The following PTCH1 variants were observed in gnomAD, a reference collection of about 807,000 sequenced individuals.
PTCH1 encodes the protein patched 1.
A neutral mutation model predicts 144.6 loss-of-function variants in PTCH1; 14 were observed. That is an observed-to-expected ratio of 0.10 (90% CI 0.06 to 0.15). PTCH1 has a LOEUF of 0.15. Among genes scored for constraint, PTCH1 ranks in the 10% least tolerant of loss-of-function variants. The pLI is 1.00. For missense variants in PTCH1, 1,623 were observed against 1,948.3 expected, an observed-to-expected ratio of 0.83 and a Z score of 3.14; for synonymous variants, 833 against 793.6, an observed-to-expected ratio of 1.05 and a Z score of -0.83.
chr9:95,475,281 G>A (rs774140729), intron 12 of PTCH1, among the ~76,000 whole-genome samples: 21 of 152,230 alleles, frequency 1.4e-4, no homozygotes, highest in Non-Finnish European at 8.8e-5. Context: ...ATACCCTGAC[G>A]GCCTCTGGGG....
intron 15 of PTCH1, among the ~76,000 whole-genome samples, chr9:95,462,227 C>T (rs1839549688): frequency 6.6e-6 from 1 of 152,142 alleles, no homozygotes; most frequent in Non-Finnish European, 1.5e-5. Context: ...TTATCTGTTT[C>T]TATGAAACAA....
At position 95,509,220 on chromosome 9, in the gene PTCH1, A is replaced by T. The variant is rs995121736; in HGVS notation, c.-859T>A. Among the ~76,000 whole-genome samples, 1 of 133,902 alleles carries T rather than the reference A, an allele frequency of 7.5e-6. No homozygotes were observed. Among genetic ancestry groups the T allele is most frequent in the Non-Finnish European group, 1.5e-5 (1 of 64,830 alleles). The allele number at this position is 133,902 out of a possible 152,430, so 87.8% of individuals were successfully genotyped here. ...ATGAGATGGAAGAAGAAAAAAAAGA[A>T]CTCTCTCCATTTGGAGAAAGAAGAG... is the stretch of plus-strand genomic sequence containing the variant. On this transcript the variant is annotated 5_prime_UTR_variant, in exon 1 of 24. Coordinates refer to ENST00000331920, the MANE Select transcript of PTCH1 (RefSeq NM_000264.5).
rs1037533662 is a variant in PTCH1 at position 95,469,006 on chromosome 9, G to T, written c.1995C>A (p.Arg665=). ...QITMQSTVQL[R]TEYDPHTHVY... ...CGTGCGTGTGGGGGTCGTACTCCGT[G>T]CGGAGCTGGACAGTGGACTGCATGG... Residue 665 remains arginine (R), a synonymous_variant, in exon 14 of 24, where the codon CGC becomes CGA. Coordinates refer to ENST00000331920, the MANE Select transcript of PTCH1 (RefSeq NM_000264.5). 1.9e-6 allele frequency: 3 copies of T among 1,614,090 alleles called. No individual in the cohort carries two copies. Among genetic ancestry groups the T allele is most frequent in the South Asian group, 1.1e-5 (1 of 91,074 alleles).
intron 22 of PTCH1, among the ~76,000 whole-genome samples, chr9:95,448,100 C>G (rs1838125815): frequency 6.6e-6 from 1 of 152,180 alleles, no homozygotes; most frequent in Admixed American, 6.5e-5. Context: ...CGTCTCTATA[C>G]AAAGCACAGA....
Position 95,446,490 on chromosome 9 carries a change from A to G in PTCH1, c.*2-99T>C, listed in dbSNP as rs989872208. On this transcript the variant is annotated intron_variant, in intron 23 of 23. Transcript: ENST00000331920. The stretch of plus-strand genomic sequence containing the variant: ...CAGGCAGCAGTAACCTTGGTATTAG[A>G]AATCACGAGAGTGGGGTGTGGGCCT... 4.5e-5 allele frequency: 22 copies of G among 484,336 alleles called. No homozygotes were observed. In the Admixed American group the frequency reaches 4.9e-4, roughly 11 times the overall value. 30.0% of individuals were successfully genotyped at this position (484,336 alleles called of 1,614,324 possible).
At chr9:95,470,399 C>G (rs1478986366) in intron 12 of PTCH1, among the ~76,000 whole-genome samples, 2 of 152,178 alleles carry the variant, frequency 1.3e-5, no homozygotes, top group African/African-American at 4.8e-5. Flanking sequence ...AATACAATTT[C>G]ACACGTGTCC....
At position 95,485,414 on chromosome 9, in the gene PTCH1, C is replaced by T. The variant is rs150269764; in HGVS notation, c.584+271G>A. ...ACATCTTACAGCCTGGGTGTATAGTCCCCAAGTGGCTCAGCGTCATCCTCT... is the reference window on the plus strand; with the variant it reads ...ACATCTTACAGCCTGGGTGTATAGTTCCCAAGTGGCTCAGCGTCATCCTCT... On this transcript the variant is annotated intron_variant, in intron 3 of 23. Transcript: ENST00000331920. 2.0e-3 allele frequency among the ~76,000 whole-genome samples: 299 copies of T among 152,282 alleles called. 3 individuals carry two copies. The Middle Eastern group carries it at 0.02, about 10-fold the overall frequency.
intron 15 of PTCH1, among the ~76,000 whole-genome samples, chr9:95,466,376 T>G (rs1264972861): frequency 6.6e-6 from 1 of 152,218 alleles, no homozygotes; most frequent in Non-Finnish European, 1.5e-5. Context: ...AGAATTTAAT[T>G]ATTTATAAAA....
At chr9:95,493,109 C>A (rs1842540980) in intron 2 of PTCH1, among the ~76,000 whole-genome samples, 1 of 152,206 alleles carries the variant, frequency 6.6e-6, no homozygotes, top group Non-Finnish European at 1.5e-5. Context: ...TGAAGAAAGG[C>A]TAGCTAGCTC....
intron 2 of PTCH1, among the ~76,000 whole-genome samples, chr9:95,501,513 T>C (rs72752398): frequency 6.7e-6 from 1 of 149,598 alleles, no homozygotes; most frequent in East Asian, 2.0e-4. Context: ...GCATGTATTT[T>C]AAAAAACAAT....
intron 2 of PTCH1, among the ~76,000 whole-genome samples, chr9:95,499,617 G>A (rs1843014258): frequency 6.6e-6 from 1 of 151,876 alleles, no homozygotes; most frequent in Non-Finnish European, 1.5e-5. Flanking sequence ...TTATGTGGGG[G>A]TGTCTGACAT....
chr9:95,479,929 A>C, intron 7 of PTCH1, 40 bp downstream of exon 7: 1 of 1,614,144 alleles, frequency 6.2e-7, no homozygotes, highest in Non-Finnish European at 8.5e-7. Context: ...GGAAAGGAAG[A>C]AGACTACAGG....
rs997645747 is a variant in PTCH1, at chr9:95,468,617, C to T, written c.2250+134G>A. ...TCTAAAAGCATTGACTTTTGGAGGA[C>T]TGAAATGTATCATACTTAAACGAAA... On this transcript the variant is annotated intron_variant, in intron 14 of 23. Coordinates refer to ENST00000331920, the MANE Select transcript of PTCH1 (RefSeq NM_000264.5). The T allele has an allele frequency of 1.3e-5, 16 of 1,225,582 alleles. No individual in the cohort carries two copies. In the East Asian group the frequency reaches 3.5e-4, roughly 27 times the overall value. 75.9% of individuals were successfully genotyped at this position (1,225,582 alleles called of 1,614,324 possible).
At chr9:95,497,288 C>G (rs1842858859) in intron 2 of PTCH1, among the ~76,000 whole-genome samples, 1 of 152,224 alleles carries the variant, frequency 6.6e-6, no homozygotes, top group African/African-American at 2.4e-5. Flanking sequence ...TCATTGCTGG[C>G]AGCATCGTAC....
chr9:95,454,826 T>C (rs1047908334), intron 19 of PTCH1, among the ~76,000 whole-genome samples: 6 of 152,204 alleles, frequency 3.9e-5, no homozygotes, highest in African/African-American at 9.6e-5. Flanking sequence ...CAATTTCACA[T>C]AGAGGATCAG....
At position 95,447,104 on chromosome 9, in the gene PTCH1, C is replaced by T. The variant is rs761887390; in HGVS notation, c.4152G>A (p.Pro1384=). The change falls in exon 23 of 24, where the codon CCG becomes CCA. Residue 1384 remains proline (P), a synonymous_variant. Coordinates refer to ENST00000331920, the MANE Select transcript of PTCH1 (RefSeq NM_000264.5). ...SASVTVAVHP[P]PVPGPGRNPR... ...GGTTCCGCCCAGGCCCAGGGACAGG[C>T]GGCGGGTGCACGGCGACAGTCACGG... 1.1e-5 allele frequency: 17 copies of T among 1,613,494 alleles called. No individual in the cohort carries two copies. The highest frequency in any genetic ancestry group is 2.7e-5 in the African/African-American group (2 of 74,942).
rs1167361404 is a variant in PTCH1, at chr9:95,516,873, C to T, written c.-402G>A. On this transcript the variant is annotated 5_prime_UTR_variant, in exon 1 of 23. Coordinates refer to the PTCH1 transcript ENST00000430669. The stretch of plus-strand genomic sequence containing the variant: ...CCATAGGCAGGACCTGTCAGGGTCA[C>T]GTGACGGATCCGAAAACTTTACCCC... The T allele has an allele frequency of 3.4e-6, 5 of 1,475,162 alleles. No individual in the cohort carries two copies. In the African/African-American group the frequency reaches 7.1e-5, roughly 21 times the overall value. 91.4% of individuals were successfully genotyped at this position (1,475,162 alleles called of 1,614,324 possible). A position where few individuals can be genotyped will look rare whatever the true frequency, so the allele number is the denominator to read the frequency against.
rs1171866601 is a variant in PTCH1, at chr9:95,458,441, G to A, written c.2888-148C>T. Reference sequence around the variant, plus strand: ...CAAACAATGCTGATCATAGCCTCCAGGCCTTTACGATCTTCCCATTTGGTT... The same window carrying A: ...CAAACAATGCTGATCATAGCCTCCAAGCCTTTACGATCTTCCCATTTGGTT... On this transcript the variant is annotated intron_variant, in intron 17 of 23. Coordinates refer to ENST00000331920, the MANE Select transcript of PTCH1 (RefSeq NM_000264.5). This position sits in a 1 kb window ranked among gnomAD's most constrained non-coding sequence, Gnocchi z 4.7. The A allele has an allele frequency of 9.6e-7, 1 of 1,045,658 alleles. No homozygotes were observed. Among genetic ancestry groups the A allele is most frequent in the Admixed American group, 2.2e-5 (1 of 45,856 alleles). 64.8% of individuals were successfully genotyped at this position (1,045,658 alleles called of 1,614,324 possible).
intron 2 of PTCH1, among the ~76,000 whole-genome samples, chr9:95,500,596 C>T (rs541704317): frequency 6.6e-6 from 1 of 152,150 alleles, no homozygotes; most frequent in African/African-American, 2.4e-5. Context: ...AGGGCAGTGA[C>T]AGCAGAATCC....
Sources: gnomAD v4.1 joint callset for allele counts (sites outside exome capture counted in the v4.1 genomes callset) on GRCh38, gnomAD v4.1.1 for gene constraint, Gnocchi (gnomAD v3.1) non-coding constraint, MANE v1.5 for transcripts, NCBI Gene and HGNC (gene_info 2026-07-23, HGNC 2026-07-21) for gene names.